The following SLC23A2 variants were observed in gnomAD, a reference collection of about 807,000 sequenced individuals.
The protein encoded by SLC23A2 is solute carrier family 23 member 2, also known as Na(+)/L-ascorbic acid transporter 2.
SLC23A2 carries 36 observed loss-of-function variants against 73.3 expected under a neutral mutation model. The ratio of observed to expected loss-of-function variants is 0.49; its 90% CI spans 0.38 to 0.65. The LOEUF (loss-of-function observed/expected upper bound fraction) is 0.65, where lower values mean the gene tolerates loss of function less well. Ranked by LOEUF, SLC23A2 falls within the 30% of genes least tolerant of loss-of-function variation. The pLI is 0.00. For missense variants in SLC23A2, 507 were observed against 841.6 expected (o/e 0.60, Z 4.92); for synonymous variants, 343 against 327.3 (o/e 1.05, Z -0.52).
At chr20:4,937,572 TG>T (rs2086979571) in intron 2 of SLC23A2, among the ~76,000 whole-genome samples, 1 of 152,198 alleles carries the variant, frequency 6.6e-6, no homozygotes, top group Non-Finnish European at 1.5e-5. Flanking sequence ...TAATATTACT[TG>T]GTTTGCACAC....
Position 4,947,513 on chromosome 20 carries a change from T to C in SLC23A2, c.-154-14797A>G, listed in dbSNP as rs1479576203. Among the ~76,000 whole-genome samples the C allele has an allele frequency of 6.6e-6, 1 of 152,226 alleles. No homozygotes were observed. The highest frequency in any genetic ancestry group is 1.5e-5 in the Non-Finnish European group (1 of 68,042). ...AGGAGCCACTGAAAAGCTAATTTTA[T>C]ATGGAATTTTAACAACAAGATAAAA... On this transcript the variant is annotated intron_variant, in intron 2 of 16. Transcript: ENST00000338244. The surrounding 1 kb of genome is among the most constrained non-coding windows in gnomAD (Gnocchi z 4.4).
chr20:4,905,348 C>G (rs898736033), intron 4 of SLC23A2, among the ~76,000 whole-genome samples: 1 of 152,100 alleles, frequency 6.6e-6, no homozygotes, highest in Non-Finnish European at 1.5e-5. Flanking sequence ...GCTGTGCCCC[C>G]CCTCCTGATG....
chr20:4,980,213 T>C (rs2087704633), intron 1 of SLC23A2, among the ~76,000 whole-genome samples: 1 of 152,180 alleles, frequency 6.6e-6, no homozygotes, highest in African/African-American at 2.4e-5. Flanking sequence ...GTCTTAGAAA[T>C]GCAAATGATA....
rs574993099 is a variant in SLC23A2 at position 4,961,840 on chromosome 20, C to T, written c.-155+8953G>A. Among the ~76,000 whole-genome samples the T allele has an allele frequency of 2.6e-5, 4 of 152,250 alleles. No individual in the cohort carries two copies. In the East Asian group the frequency reaches 5.8e-4, roughly 22 times the overall value. On this transcript the variant is annotated intron_variant, in intron 2 of 16. Transcript: ENST00000338244. ...GAATCTCTAACTAAGCCACAGGGAG[C>T]GAAAAGCAGTTCTCATATAACCCTG...
intron 2 of SLC23A2, among the ~76,000 whole-genome samples, chr20:4,942,628 C>A (rs1249669231): frequency 6.6e-6 from 1 of 152,154 alleles, no homozygotes; most frequent in Non-Finnish European, 1.5e-5. Flanking sequence ...TTCTTTTGAA[C>A]TTCATTTTAT....
chr20:4,902,907 T>A lies in SLC23A2; in HGVS notation c.208-349A>T, dbSNP rs1715381. Among the ~76,000 whole-genome samples, 73,901 of 151,792 alleles carry A rather than the reference T, an allele frequency of 0.49. 18,186 individuals are homozygous for A. Among genetic ancestry groups the A allele is most frequent in the East Asian group, 0.54 (2,753 of 5,138 alleles). The stretch of plus-strand genomic sequence containing the variant: ...CAAAATGATACCTTGGCACGAGCAG[T>A]CCTTGCGTGAGACCCCAGATGAAAA... On this transcript the variant is annotated intron_variant, in intron 4 of 16. Transcript: ENST00000338244. The surrounding 1 kb of genome is among the most constrained non-coding windows in gnomAD (Gnocchi z 4.0).
intron 6 of SLC23A2, among the ~76,000 whole-genome samples, chr20:4,889,314 A>T (rs59376791): frequency 0.018 from 2,666 of 152,200 alleles, 72 homozygotes; most frequent in African/African-American, 0.061. Context: ...GAACCCTCAG[A>T]GGACTGCAGA....
chr20:4,996,979 A>G (rs931806544), intron 1 of SLC23A2, among the ~76,000 whole-genome samples: 1 of 152,118 alleles, frequency 6.6e-6, no homozygotes, highest in African/African-American at 2.4e-5. Context: ...TCACAACTTA[A>G]CATGGCCTAA....
At chr20:4,909,358 G>T (rs1041628268) in intron 4 of SLC23A2, among the ~76,000 whole-genome samples, 7 of 152,068 alleles carry the variant, frequency 4.6e-5, no homozygotes. Context: ...GTTTTAGGAC[G>T]GTTACTCTAC....
intron 2 of SLC23A2, among the ~76,000 whole-genome samples, chr20:4,945,211 T>C (rs751138436): frequency 6.6e-6 from 1 of 152,194 alleles, no homozygotes; most frequent in African/African-American, 2.4e-5. Context: ...ATGACAAGTA[T>C]GCTCACAGCA....
intron 3 of SLC23A2, among the ~76,000 whole-genome samples, chr20:4,918,366 A>G (rs908503129): frequency 1.3e-5 from 2 of 152,214 alleles, no homozygotes; most frequent in African/African-American, 4.8e-5. Context: ...ACAATCAATC[A>G]GCTATGAAAG....
intron 2 of SLC23A2, among the ~76,000 whole-genome samples, chr20:4,967,990 T>C (rs973006055): frequency 6.6e-6 from 1 of 152,226 alleles, no homozygotes; most frequent in African/African-American, 2.4e-5. Flanking sequence ...GGATCTGTAC[T>C]GATCATCTCA....
chr20:4,956,353 G>T (rs2087287737), intron 2 of SLC23A2, among the ~76,000 whole-genome samples: 1 of 151,998 alleles, frequency 6.6e-6, no homozygotes, highest in African/African-American at 2.4e-5. Context: ...ATAAGACAAG[G>T]GGGCAGATGC....
chr20:4,872,996 C>T lies in SLC23A2; in HGVS notation c.1102+940G>A, dbSNP rs899504526. 6.6e-6 allele frequency among the ~76,000 whole-genome samples: 1 copy of T among 152,166 alleles called. No individual in the cohort carries two copies. Among genetic ancestry groups the T allele is most frequent in the African/African-American group, 2.4e-5 (1 of 41,438 alleles). On this transcript the variant is annotated intron_variant, in intron 11 of 16. Coordinates refer to ENST00000338244, the MANE Select transcript of SLC23A2 (RefSeq NM_005116.6). This position sits in a 1 kb window ranked among gnomAD's most constrained non-coding sequence, Gnocchi z 4.4. ...CTTGAACTCCTGACCTCGGGTGATC[C>T]TCCTGCCTCGGCCTCCCCAAAGTGC...
chr20:4,896,321 G>A (rs1568613530), intron 6 of SLC23A2, among the ~76,000 whole-genome samples: 1 of 152,180 alleles, frequency 6.6e-6, no homozygotes, highest in Admixed American at 6.5e-5. Context: ...GCCGTGCGGA[G>A]CAGGAGCCCC....
At chr20:4,877,883 C>T (rs748796640) in intron 9 of SLC23A2, among the ~76,000 whole-genome samples, 18 of 152,328 alleles carry the variant, frequency 1.2e-4, no homozygotes, top group Non-Finnish European at 2.5e-4. Context: ...ACTGACCGGC[C>T]GCACTAACCT....
At chr20:4,873,846 T>G in intron 11 of SLC23A2, 90 bp downstream of exon 11, 1 of 1,324,604 alleles carries the variant, frequency 7.5e-7, no homozygotes, top group South Asian at 1.4e-5. Context: ...GGAGACAGTC[T>G]GGGACAAAGA....
upstream of SLC23A2, among the ~76,000 whole-genome samples, chr20:5,003,174 G>A (rs977975123): frequency 3.3e-5 from 5 of 152,154 alleles, no homozygotes; most frequent in Admixed American, 3.3e-4. Context: ...ACGAGGTCAG[G>A]AGATCGAGAC....
Position 4,902,308 on chromosome 20 carries a change from C to T in SLC23A2, c.324+134G>A. On this transcript the variant is annotated intron_variant, in intron 5 of 16. Coordinates refer to ENST00000338244, the MANE Select transcript of SLC23A2 (RefSeq NM_005116.6). This position sits in a 1 kb window ranked among gnomAD's most constrained non-coding sequence, Gnocchi z 4.0. ...CATCAGCCACTGTGCTCAGCCCCTA[C>T]TCATCACTCTTAAAAGAGGAATTTA... The T allele has an allele frequency of 1.7e-6, 1 of 576,732 alleles. No individual in the cohort carries two copies. The allele number at this position is 576,732 out of a possible 1,614,324, so 35.7% of individuals were successfully genotyped here. A position where few individuals can be genotyped will look rare whatever the true frequency, so the allele number is the denominator to read the frequency against.
Sources: gnomAD v4.1 joint callset for allele counts (sites outside exome capture counted in the v4.1 genomes callset) on GRCh38, gnomAD v4.1.1 for gene constraint, Gnocchi (gnomAD v3.1) non-coding constraint, MANE v1.5 for transcripts, NCBI Gene and HGNC (gene_info 2026-07-23, HGNC 2026-07-21) for gene names.